The following CALD1 variants were observed in gnomAD, a reference collection of about 807,000 sequenced individuals.
CALD1 encodes caldesmon 1, also known as caldesmon.
CALD1 carries 33 observed loss-of-function variants against 99.9 expected under a neutral mutation model. That is an observed-to-expected ratio of 0.33 (90% CI 0.25 to 0.44). The LOEUF is 0.44. Among genes scored for constraint, CALD1 ranks in the 20% least tolerant of loss-of-function variants. The probability of loss-of-function intolerance (pLI) is 1.00; values close to 1 mark genes in which losing one functional copy is unlikely to be tolerated. For missense variants in CALD1, 861 were observed against 962.1 expected (o/e 0.89, Z 1.39); for synonymous variants, 310 against 325.0 (o/e 0.95, Z 0.50).
In CALD1 at chr7:134,854,177, G is replaced by A. The variant is rs189711802; in HGVS notation, c.-42+10206G>A. On this transcript the variant is annotated intron_variant, in intron 2 of 14. Transcript: ENST00000361675. Reference sequence around the variant, plus strand: ...GAATAGTGCTGCAATAAACATACGTGTGCATGTGTCTTTATAGTAGAATGA... The same window carrying A: ...GAATAGTGCTGCAATAAACATACGTATGCATGTGTCTTTATAGTAGAATGA... 8.3e-3 allele frequency among the ~76,000 whole-genome samples: 1,261 copies of A among 152,166 alleles called. 13 individuals are homozygous for A. The highest frequency in any genetic ancestry group is 0.028 in the African/African-American group (1,153 of 41,498).
At chr7:134,887,625 T>C (rs767306032) in intron 3 of CALD1, among the ~76,000 whole-genome samples, 1 of 151,738 alleles carries the variant, frequency 6.6e-6, no homozygotes, top group Non-Finnish European at 1.5e-5. Context: ...TATATGTGTG[T>C]GCCTGTGTGT....
the CALD1 span, among the ~76,000 whole-genome samples, chr7:134,726,504 TATAA>T: frequency 6.6e-3 from 933 of 142,216 alleles, 57 homozygotes; most frequent in African/African-American, 0.023. Flanking sequence ...GCTTTAGATA[TATAA>T]TATACAATAT....
At chr7:134,885,215 G>T (rs992605735) in intron 3 of CALD1, among the ~76,000 whole-genome samples, 12 of 152,146 alleles carry the variant, frequency 7.9e-5, no homozygotes, top group Non-Finnish European at 1.3e-4. Flanking sequence ...TTACAGGTGT[G>T]AGCCCCGACA....
intron 1 of CALD1, among the ~76,000 whole-genome samples, chr7:134,794,588 G>A (rs1413349536): frequency 1.3e-5 from 2 of 152,186 alleles, no homozygotes; most frequent in African/African-American, 2.4e-5. Flanking sequence ...TCGGGTTCAA[G>A]TGATTCTCCT....
At chr7:134,938,980 G>A (rs1459404424) in intron 6 of CALD1, among the ~76,000 whole-genome samples, 2 of 152,306 alleles carry the variant, frequency 1.3e-5, no homozygotes, top group African/African-American at 2.4e-5. Context: ...TCCATGCGTA[G>A]TGCTCCACAG....
intron 3 of CALD1, among the ~76,000 whole-genome samples, chr7:134,899,349 G>A (rs763958894): frequency 4.6e-5 from 7 of 151,800 alleles, no homozygotes; most frequent in East Asian, 1.9e-4. Context: ...GATTACAGGC[G>A]CCCACCACCA....
the CALD1 span, among the ~76,000 whole-genome samples, chr7:134,733,060 G>A: frequency 6.6e-6 from 1 of 152,210 alleles, no homozygotes; most frequent in Non-Finnish European, 1.5e-5. Context: ...GGGACTGCAG[G>A]GGCCTCCAAT....
chr7:134,802,740 T>C (rs1797993116), intron 1 of CALD1, among the ~76,000 whole-genome samples: 2 of 152,236 alleles, frequency 1.3e-5, no homozygotes, highest in Admixed American at 6.5e-5. Flanking sequence ...TGCATATCAC[T>C]AGCCAGAGAA....
Position 134,966,633 on chromosome 7 carries a change from C to T in CALD1, c.2376+1247C>T, listed in dbSNP as rs149509896. 9.8e-4 allele frequency among the ~76,000 whole-genome samples: 149 copies of T among 152,278 alleles called. 1 individual carries two copies. The highest frequency in any genetic ancestry group is 3.4e-3 in the African/African-American group (140 of 41,554). The stretch of plus-strand genomic sequence containing the variant: ...CACAGTGAATAAGTAGCATAGCCTG[C>T]ATTGATACTCCAGCACCTGATCCGA... On this transcript the variant is annotated intron_variant, in intron 14 of 14. Coordinates refer to ENST00000361675, the MANE Select transcript of CALD1 (RefSeq NM_033138.4).
chr7:134,744,700 G>A (rs1796620213), intron 1 of CALD1, among the ~76,000 whole-genome samples: 1 of 152,060 alleles, frequency 6.6e-6, no homozygotes, highest in African/African-American at 2.4e-5. Flanking sequence ...TGGTTACCAT[G>A]ATAAATACCT....
intron 3 of CALD1, chr7:134,928,158 C>T: frequency 4.1e-6 from 1 of 245,974 alleles, no homozygotes; most frequent in Non-Finnish European, 8.8e-6. Context: ...AAGGCCAGGC[C>T]CGGTGGCTCA....
chr7:134,933,562 G>A lies in CALD1; in HGVS notation c.793G>A (p.Ala265Thr), dbSNP rs747609153. 15 of 1,613,572 alleles carry A rather than the reference G, an allele frequency of 9.3e-6. No individual in the cohort carries two copies. Among genetic ancestry groups the A allele is most frequent in the African/African-American group, 1.3e-5 (1 of 74,904 alleles). ...GATGGAAGAGGAAGACAAGGAAAGA[G>A]CTGAGGCAGAGAGGGCAAGGTTGGA... is the stretch of plus-strand genomic sequence containing the variant. ...EKMEEEDKER[A>T]EAERARLEAE... Residue 265 changes from alanine to threonine, a missense_variant, in exon 5 of 15, where the codon GCT (alanine) becomes ACT (threonine). Physicochemically the swap from Ala to Thr is moderately conservative, Grantham distance 58. Around this residue, in one of 5 missense-constraint regions of CALD1, gnomAD observed 234 missense variants for 233.1 expected, o/e 1.00. Transcript: ENST00000361675.
At chr7:134,793,665 A>C (rs1797629182) in intron 1 of CALD1, among the ~76,000 whole-genome samples, 1 of 152,080 alleles carries the variant, frequency 6.6e-6, no homozygotes, top group Non-Finnish European at 1.5e-5. Flanking sequence ...CACGTTGAAG[A>C]GGGAAAGAAG....
chr7:134,829,851 A>G (rs532238158), intron 1 of CALD1, among the ~76,000 whole-genome samples: 8 of 152,364 alleles, frequency 5.3e-5, no homozygotes, highest in African/African-American at 1.7e-4. Flanking sequence ...GACAGCAACA[A>G]TAATGAAGAT....
At chr7:134,853,337 C>T (rs1436090761) in intron 2 of CALD1, among the ~76,000 whole-genome samples, 4 of 152,116 alleles carry the variant, frequency 2.6e-5, no homozygotes, top group South Asian at 2.1e-4. Context: ...GGCATGTACT[C>T]GATGTCAATT....
the CALD1 span, among the ~76,000 whole-genome samples, chr7:134,718,001 T>C: frequency 6.6e-6 from 1 of 152,302 alleles, no homozygotes; most frequent in African/African-American, 2.4e-5. Flanking sequence ...ATACTAACTA[T>C]GTGAATGCTT....
chr7:134,967,003 T>C (rs1808725123), intron 14 of CALD1, among the ~76,000 whole-genome samples: 1 of 152,112 alleles, frequency 6.6e-6, no homozygotes, highest in Non-Finnish European at 1.5e-5. Context: ...CTTCTCAGAA[T>C]GGCAGTCCCA....
At chr7:134,725,300 GA>G in the CALD1 span, among the ~76,000 whole-genome samples, 1 of 152,164 alleles carries the variant, frequency 6.6e-6, no homozygotes, top group African/African-American at 2.4e-5. Flanking sequence ...GTCATCCATG[GA>G]ACAAAAGGAG....
chr7:134,965,623 A>G (rs1196458463), intron 14 of CALD1, among the ~76,000 whole-genome samples: 1 of 152,162 alleles, frequency 6.6e-6, no homozygotes, highest in Admixed American at 6.5e-5. Flanking sequence ...GACATTCTCA[A>G]TACACCACAG....
Sources: allele counts gnomAD v4.1 joint callset (sites outside exome capture counted in the v4.1 genomes callset), GRCh38; gene constraint gnomAD v4.1.1; regional missense constraint gnomAD v4.1.1; transcripts MANE v1.5; gene names NCBI Gene and HGNC (gene_info 2026-07-23, HGNC 2026-07-21).